PRKG1: variants seen among roughly 807,000 people sequenced by gnomAD.
The protein encoded by PRKG1 is protein kinase cGMP-dependent 1, also known as cGMP-dependent protein kinase 1.
A neutral mutation model predicts 88.1 loss-of-function variants in PRKG1; 35 were observed. The ratio of observed to expected loss-of-function variants is 0.40; its 90% confidence interval spans 0.30 to 0.53. The LOEUF is 0.53. Among genes scored for constraint, PRKG1 ranks in the 20% least tolerant of loss-of-function variants. PRKG1 has a pLI of 0.59. For synonymous variants in PRKG1, 303 were observed against 292.5 expected, an observed-to-expected ratio of 1.04 and a Z score of -0.37; for missense variants, 540 against 839.8, an observed-to-expected ratio of 0.64 and a Z score of 4.41.
chr10:52,016,192 G>A (rs1224181041), intron 5 of PRKG1, among the ~76,000 whole-genome samples: 1 of 152,154 alleles, frequency 6.6e-6, no homozygotes, highest in Non-Finnish European at 1.5e-5. Flanking sequence ...CTACCTAAGA[G>A]TGGGTAATTT....
intron 8 of PRKG1, among the ~76,000 whole-genome samples, chr10:52,138,270 G>T (rs1564485908): frequency 6.6e-6 from 1 of 151,960 alleles, no homozygotes; most frequent in African/African-American, 2.4e-5. Context: ...CAAAAACCGG[G>T]ACTATTGTCC....
At chr10:51,140,649 T>C (rs1408197584) in intron 1 of PRKG1, among the ~76,000 whole-genome samples, 4 of 152,160 alleles carry the variant, frequency 2.6e-5, no homozygotes, top group African/African-American at 9.7e-5. Context: ...TCTGTGTAGC[T>C]CTCCTCCTTG....
At chr10:51,718,743 CAG>C (rs1313641447) in intron 3 of PRKG1, among the ~76,000 whole-genome samples, 1 of 150,522 alleles carries the variant, frequency 6.6e-6, no homozygotes, top group Admixed American at 6.6e-5. Context: ...CCCATAGAGA[CAG>C]AGAGTAGAAG....
chr10:51,054,183 T>C (rs1843600801), intron 1 of PRKG1, among the ~76,000 whole-genome samples: 1 of 152,118 alleles, frequency 6.6e-6, no homozygotes, highest in Non-Finnish European at 1.5e-5. Context: ...TACATACACA[T>C]TTATTTCCCC....
Position 52,053,266 on chromosome 10 carries a change from A to G in PRKG1, c.763-1218A>G, listed in dbSNP as rs576980421. On this transcript the variant is annotated intron_variant, in intron 5 of 17. Transcript: ENST00000373980. ...AAAAATCTTGTTCCTAGAAAACTGA[A>G]TTACTTTTGAGTAAAAAAACTAGCA... Among the ~76,000 whole-genome samples, 5 of 152,224 alleles carry G rather than the reference A, an allele frequency of 3.3e-5. No homozygotes were observed. The East Asian group carries it at 9.7e-4, about 29-fold the overall frequency.
At chr10:51,380,581 C>CTTTGGGAGA (rs1837057607) in intron 2 of PRKG1, among the ~76,000 whole-genome samples, 3 of 152,070 alleles carry the variant, frequency 2.0e-5, no homozygotes, top group African/African-American at 7.2e-5. Context: ...TGGCAGGTCA[C>CTTTGGGAGA]CTGAGGTCAG....
At chr10:51,693,287 CAAAAAA>C (rs762828746) in intron 3 of PRKG1, among the ~76,000 whole-genome samples, 4,001 of 70,652 alleles carry the variant, frequency 0.057, 179 homozygotes, top group African/African-American at 0.16. Flanking sequence ...GACACCACCT[CAAAAAA>C]AAAAAAAAAA....
At chr10:51,213,880 A>G (rs1019920011) in intron 2 of PRKG1, among the ~76,000 whole-genome samples, 6 of 152,102 alleles carry the variant, frequency 3.9e-5, no homozygotes, top group African/African-American at 1.4e-4. Flanking sequence ...GTGTTATTTG[A>G]TGAGATATTT....
intron 2 of PRKG1, among the ~76,000 whole-genome samples, chr10:51,201,971 G>A (rs1329942513): frequency 1.3e-5 from 2 of 152,204 alleles, no homozygotes; most frequent in Non-Finnish European, 2.9e-5. Flanking sequence ...ATTTCCTTAT[G>A]TAGGCAGGTC....
intron 3 of PRKG1, among the ~76,000 whole-genome samples, chr10:51,548,734 G>C (rs1223154828): frequency 1.3e-5 from 2 of 151,948 alleles, no homozygotes; most frequent in East Asian, 3.9e-4. Context: ...TTTCTTTTGG[G>C]TATACTGGCC....
intron 3 of PRKG1, among the ~76,000 whole-genome samples, chr10:51,644,345 CACTT>C (rs969478137): frequency 2.6e-5 from 4 of 152,102 alleles, no homozygotes; most frequent in African/African-American, 9.7e-5. Context: ...TATAATTTCT[CACTT>C]TCTTTTTTGT....
intron 7 of PRKG1, among the ~76,000 whole-genome samples, chr10:52,124,178 A>G (rs531364872): frequency 1.3e-5 from 2 of 152,252 alleles, no homozygotes; most frequent in South Asian, 4.1e-4. Flanking sequence ...GTGCAATTTA[A>G]ATGGTGTTAT....
At chr10:52,102,635 T>A (rs1252044301) in intron 7 of PRKG1, among the ~76,000 whole-genome samples, 1,731 of 117,610 alleles carry the variant, frequency 0.015, no homozygotes, top group Non-Finnish European at 0.023. Context: ...GGTTTCAAGA[T>A]AGGGATCTTG....
intron 3 of PRKG1, among the ~76,000 whole-genome samples, chr10:51,707,909 G>C (rs1193232191): frequency 6.6e-6 from 1 of 152,130 alleles, no homozygotes; most frequent in Admixed American, 6.6e-5. Flanking sequence ...TCTTGAGTTA[G>C]AAATTAGAAA....
chr10:52,006,458 G>A (rs1299066962), intron 5 of PRKG1, among the ~76,000 whole-genome samples: 1 of 151,734 alleles, frequency 6.6e-6, no homozygotes, highest in Non-Finnish European at 1.5e-5. Flanking sequence ...TGATAGAGCT[G>A]AAAAATACAC....
chr10:52,089,733 G>T (rs566767548), intron 7 of PRKG1, among the ~76,000 whole-genome samples: 1 of 150,982 alleles, frequency 6.6e-6, no homozygotes, highest in South Asian at 2.1e-4. Flanking sequence ...TCACTTAAGG[G>T]CCTAGAAGCA....
intron 2 of PRKG1, among the ~76,000 whole-genome samples, chr10:51,288,865 AT>A (rs1218552495): frequency 6.6e-6 from 1 of 152,058 alleles, no homozygotes; most frequent in Non-Finnish European, 1.5e-5. Context: ...TTAGAAGTAG[AT>A]TTTTTTACTT....
At chr10:51,097,618 T>C (rs1844564999) in intron 1 of PRKG1, among the ~76,000 whole-genome samples, 1 of 152,108 alleles carries the variant, frequency 6.6e-6, no homozygotes, top group African/African-American at 2.4e-5. Flanking sequence ...TCTTCTTATC[T>C]CCTTTCCGTA....
At chr10:51,375,153 A>C (rs1206593674) in intron 2 of PRKG1, among the ~76,000 whole-genome samples, 1 of 152,218 alleles carries the variant, frequency 6.6e-6, no homozygotes, top group Non-Finnish European at 1.5e-5. Flanking sequence ...GCATATCAGG[A>C]TGTAGAGATA....
Sources: allele counts gnomAD v4.1 joint callset (sites outside exome capture counted in the v4.1 genomes callset), GRCh38; gene constraint gnomAD v4.1.1; transcripts MANE v1.5; gene names NCBI Gene and HGNC (gene_info 2026-07-23, HGNC 2026-07-21).